LDLRAD4: variants seen among roughly 807,000 people sequenced by gnomAD.
The protein encoded by LDLRAD4 is low density lipoprotein receptor class A domain containing 4.
In LDLRAD4, 5 loss-of-function variants were observed where a neutral mutation model predicts 17.0. That is an observed-to-expected ratio of 0.29 (90% CI 0.15 to 0.62). The LOEUF (loss-of-function observed/expected upper bound fraction) is 0.62. Ranked by LOEUF, LDLRAD4 falls within the 20% of genes least tolerant of loss-of-function variation. The pLI, the probability that LDLRAD4 is intolerant of heterozygous loss-of-function variation, is 0.84. For synonymous variants in LDLRAD4, 168 were observed against 171.8 expected (o/e 0.98, Z 0.17); for missense variants, 340 against 424.7 (o/e 0.80, Z 1.75).
intron 2 of LDLRAD4, among the ~76,000 whole-genome samples, chr18:13,435,495 T>G (rs2090594879): frequency 6.6e-6 from 1 of 152,224 alleles, no homozygotes; most frequent in Non-Finnish European, 1.5e-5. Context: ...CACCTGGGCT[T>G]GGGAGCAGTA....
intron 3 of LDLRAD4, among the ~76,000 whole-genome samples, chr18:13,585,003 C>A (rs1004293238): frequency 6.6e-6 from 1 of 152,238 alleles, no homozygotes; most frequent in Non-Finnish European, 1.5e-5. Flanking sequence ...CAGAGCTTAT[C>A]TTACACGCGT....
intron 1 of LDLRAD4, among the ~76,000 whole-genome samples, chr18:13,226,870 C>T (rs936768702): frequency 6.6e-6 from 1 of 152,160 alleles, no homozygotes; most frequent in African/African-American, 2.4e-5. Flanking sequence ...TTCCCCCAGC[C>T]TCCTCATCCT....
chr18:13,631,906 G>C (rs1013896728), intron 4 of LDLRAD4, among the ~76,000 whole-genome samples: 2 of 152,170 alleles, frequency 1.3e-5, no homozygotes, highest in African/African-American at 2.4e-5. Flanking sequence ...CAGCCTGGAA[G>C]ACAGAGCGAG....
At chr18:13,509,150 A>G (rs1258466705) in intron 3 of LDLRAD4, among the ~76,000 whole-genome samples, 1 of 152,234 alleles carries the variant, frequency 6.6e-6, no homozygotes, top group African/African-American at 2.4e-5. Context: ...CACAAAATTT[A>G]AAACAAAAAC....
intron 3 of LDLRAD4, among the ~76,000 whole-genome samples, chr18:13,541,518 G>T (rs963181463): frequency 1.3e-5 from 2 of 152,194 alleles, no homozygotes; most frequent in Non-Finnish European, 2.9e-5. Flanking sequence ...GGGAGTCCCA[G>T]CTTCCTTTGT....
At chr18:13,275,223 A>G (rs2044789207), upstream of LDLRAD4, among the ~76,000 whole-genome samples, 1 of 152,222 alleles carries the variant, frequency 6.6e-6, no homozygotes, top group East Asian at 1.9e-4. Context: ...TACTTTGGAA[A>G]TTCTCTTAGG....
chr18:13,522,089 A>G (rs991463023), intron 3 of LDLRAD4: 1 of 152,068 alleles, frequency 6.6e-6, no homozygotes, highest in African/African-American at 2.4e-5. Flanking sequence ...CTAAAGCAGT[A>G]TTTTGAAAAC....
At chr18:13,380,237 C>G (rs2085251232) in intron 1 of LDLRAD4, among the ~76,000 whole-genome samples, 1 of 152,254 alleles carries the variant, frequency 6.6e-6, no homozygotes, top group South Asian at 2.1e-4. Flanking sequence ...TGGGAATGGC[C>G]TGGTTCGGGC....
At chr18:13,529,609 A>G (rs530106922) in intron 3 of LDLRAD4, among the ~76,000 whole-genome samples, 4 of 152,226 alleles carry the variant, frequency 2.6e-5, no homozygotes, top group Non-Finnish European at 5.9e-5. Flanking sequence ...TGTGGTTTTC[A>G]TAGTCATGTG....
At chr18:13,405,031 C>G (rs944020615) in intron 2 of LDLRAD4, among the ~76,000 whole-genome samples, 2 of 151,838 alleles carry the variant, frequency 1.3e-5, no homozygotes, top group East Asian at 3.9e-4. Flanking sequence ...GCAGTGGGAA[C>G]CCCTGGGAAG....
intron 2 of LDLRAD4, among the ~76,000 whole-genome samples, chr18:13,403,806 A>AG (rs1253204445): frequency 3.3e-5 from 5 of 152,254 alleles, no homozygotes; most frequent in Admixed American, 1.3e-4. Context: ...TCTAAAAGAA[A>AG]GGGCATGGGG....
At chr18:13,487,492 ATTTCTTTCTGTG>A (rs2093256254) in intron 3 of LDLRAD4, 1 of 152,256 alleles carries the variant, frequency 6.6e-6, no homozygotes, top group Non-Finnish European at 1.5e-5. Flanking sequence ...CATCGGCGTC[ATTTCTTTCTGTG>A]GCTACCAAGG....
chr18:13,637,245 G>A lies in LDLRAD4; in HGVS notation c.337-6114G>A, dbSNP rs141367130. 4.2e-3 allele frequency among the ~76,000 whole-genome samples: 645 copies of A among 151,960 alleles called. 7 individuals carry two copies. The highest frequency in any genetic ancestry group is 0.015 in the African/African-American group (607 of 41,422). On this transcript the variant is annotated intron_variant, in intron 4 of 5. Coordinates refer to ENST00000359446, the Ensembl canonical transcript of LDLRAD4. ...GTAGTCATGGTGACTGCCTCGGTGGGAAGCTGACTGCCATGCTGGGCTAAT... is the reference window on the plus strand; with the variant it reads ...GTAGTCATGGTGACTGCCTCGGTGGAAAGCTGACTGCCATGCTGGGCTAAT...
At chr18:13,245,411 A>G (rs986578008) in intron 1 of LDLRAD4, among the ~76,000 whole-genome samples, 3 of 152,234 alleles carry the variant, frequency 2.0e-5, no homozygotes, top group African/African-American at 7.2e-5. Flanking sequence ...AAATACTACC[A>G]CACCTAATTA....
intron 2 of LDLRAD4, among the ~76,000 whole-genome samples, chr18:13,391,475 C>T (rs2086271007): frequency 1.3e-5 from 2 of 152,158 alleles, no homozygotes; most frequent in East Asian, 1.9e-4. Context: ...GGTATACTCA[C>T]ATAGATGCGT....
At chr18:13,434,329 C>CT (rs1334846511) in intron 2 of LDLRAD4, among the ~76,000 whole-genome samples, 5 of 151,024 alleles carry the variant, frequency 3.3e-5, no homozygotes, top group Admixed American at 6.6e-5. Flanking sequence ...AAGGGCATGA[C>CT]TTTTTTTTAA....
At chr18:13,471,787 A>C (rs1456895800) in intron 3 of LDLRAD4, 5 of 152,366 alleles carry the variant, frequency 3.3e-5, no homozygotes, top group African/African-American at 1.2e-4. Context: ...CTGTTTCATA[A>C]GAATTGCTCA....
At chr18:13,590,065 ATG>A (rs1196569301) in intron 3 of LDLRAD4, among the ~76,000 whole-genome samples, 5 of 145,484 alleles carry the variant, frequency 3.4e-5, no homozygotes, top group Non-Finnish European at 6.0e-5. Flanking sequence ...GTGTGACTGC[ATG>A]TGTGTGGGTG....
intron 1 of LDLRAD4, among the ~76,000 whole-genome samples, chr18:13,261,748 C>A (rs2043826501): frequency 6.6e-6 from 1 of 152,004 alleles, no homozygotes; most frequent in Non-Finnish European, 1.5e-5. Context: ...GAAGACTGCC[C>A]AAGAGTTATG....
Sources: allele counts gnomAD v4.1 joint callset (sites outside exome capture counted in the v4.1 genomes callset), GRCh38; gene constraint gnomAD v4.1.1; transcripts MANE v1.5; gene names NCBI Gene and HGNC (gene_info 2026-07-23, HGNC 2026-07-21).